Variants in SH3BP5 observed in about 807,000 individuals in gnomAD.
The protein encoded by SH3BP5 is SH3 domain binding protein 5.
SH3BP5 carries 22 observed loss-of-function variants against 43.3 expected under a neutral mutation model. That is an observed-to-expected ratio of 0.51 (90% CI 0.36 to 0.73). SH3BP5 has a LOEUF of 0.73. Ranked by LOEUF, SH3BP5 falls within the 30% of genes least tolerant of loss-of-function variation. The probability of loss-of-function intolerance (pLI) is 0.00; values close to 1 mark genes in which losing one functional copy is unlikely to be tolerated. For missense variants in SH3BP5, 529 were observed against 586.9 expected, an observed-to-expected ratio of 0.90 and a Z score of 1.02; for synonymous variants, 255 against 225.8, an observed-to-expected ratio of 1.13 and a Z score of -1.16.
chr3:15,262,485 C>T (rs1023335840), intron 4 of SH3BP5, among the ~76,000 whole-genome samples, 196 bp from the exon 5 acceptor site: 1 of 152,074 alleles, frequency 6.6e-6, no homozygotes, highest in African/African-American at 2.4e-5. Context: ...TGGTGAAACC[C>T]GTCACTGCTA....
At chr3:15,294,328 TGTGC>T (rs1398224142) in intron 3 of SH3BP5, among the ~76,000 whole-genome samples, 10 of 128,986 alleles carry the variant, frequency 7.8e-5, no homozygotes, top group African/African-American at 3.0e-4. Flanking sequence ...TGTGTGTGTG[TGTGC>T]GCGCGCATGT....
At chr3:15,300,896 A>G (rs60327453) in intron 3 of SH3BP5, among the ~76,000 whole-genome samples, 2,833 of 152,066 alleles carry the variant, frequency 0.019, 80 homozygotes, top group African/African-American at 0.063. Context: ...AGAGTGACTC[A>G]CTCATCCCCA....
Position 15,255,939 on chromosome 3 carries a change from C to A in SH3BP5, c.*147G>T. The A allele has an allele frequency of 1.4e-6, 1 of 728,314 alleles. No homozygotes were observed. The highest frequency in any genetic ancestry group is 2.3e-6 in the Non-Finnish European group (1 of 429,772). 45.1% of individuals were successfully genotyped at this position (728,314 alleles called of 1,614,324 possible). The stretch of plus-strand genomic sequence containing the variant: ...AAGAGCTCTTACCCAGAAGAACAAT[C>A]TTTAGCCCTCAAGGTCACTGAAACT... On this transcript the variant is annotated 3_prime_UTR_variant, in exon 9 of 9. Coordinates refer to ENST00000383791, the MANE Select transcript of SH3BP5 (RefSeq NM_004844.5).
rs781355308 is a variant in SH3BP5 at position 15,262,160 on chromosome 3, T to G, written c.625A>C (p.Lys209Gln). ...AGGGAAGGCCCTGTCCAGACTTACT[T>G]GGACTTGTTGATGGCTCTCTTGAGT... ...KKLKRAINKS[K>Q]PYFELKAKYY... Residue 209 changes from lysine to glutamine, a missense_variant and splice_region_variant, in exon 5 of 9, where the codon AAG becomes CAG. By Grantham distance (53) the Lys-to-Gln change is moderately conservative (BLOSUM62 1). Coordinates refer to ENST00000383791, the MANE Select transcript of SH3BP5 (RefSeq NM_004844.5). The G allele has an allele frequency of 6.2e-7, 1 of 1,613,954 alleles. No individual in the cohort carries two copies. The highest frequency in any genetic ancestry group is 1.3e-5 in the African/African-American group (1 of 74,888).
At chr3:15,339,214 G>T (rs1276181951) in intron 1 of SH3BP5, among the ~76,000 whole-genome samples, 2 of 152,142 alleles carry the variant, frequency 1.3e-5, no homozygotes, top group African/African-American at 2.4e-5. Flanking sequence ...TTGCCAAATT[G>T]TCTTCCAATG....
intron 1 of SH3BP5, chr3:15,332,013 G>T: frequency 2.0e-6 from 1 of 512,054 alleles, no homozygotes; most frequent in Non-Finnish European, 3.4e-6. Context: ...CACCAGGCAC[G>T]CTGCACCGAC....
intron 3 of SH3BP5, among the ~76,000 whole-genome samples, chr3:15,292,121 G>A (rs967504100): frequency 1.3e-5 from 2 of 152,160 alleles, no homozygotes; most frequent in African/African-American, 4.8e-5. Context: ...CTCTTGCCAG[G>A]GAATGCCTGT....
chr3:15,304,365 G>C (rs1400273401), intron 2 of SH3BP5, 134 bp from the exon 3 acceptor site: 1 of 1,362,144 alleles, frequency 7.3e-7, no homozygotes, highest in Non-Finnish European at 1.0e-6. Context: ...ACCTTTACAA[G>C]ACAGTGTCTA....
At chr3:15,336,113 G>A (rs910820985), upstream of SH3BP5, among the ~76,000 whole-genome samples, 3 of 152,186 alleles carry the variant, frequency 2.0e-5, no homozygotes, top group Admixed American at 1.3e-4. Context: ...CAGCGTGGGC[G>A]ATAAGAGTGA....
At chr3:15,262,130 G>A (rs1559425848) in intron 5 of SH3BP5, 29 bp downstream of exon 5, 1 of 1,612,742 alleles carries the variant, frequency 6.2e-7, no homozygotes, top group Middle Eastern at 1.7e-4. Context: ...CAGCCGCACG[G>A]CCCCAGGGAA....
rs969278497 is a variant in SH3BP5 at position 15,332,529 on chromosome 3, C to G, written c.-121G>C. 1 of 1,248,660 alleles carries G rather than the reference C, an allele frequency of 8.0e-7. No homozygotes were observed. 77.3% of individuals were successfully genotyped at this position (1,248,660 alleles called of 1,614,324 possible). ...GGCACGGTCGGGGAGCCGCCGGGGC[C>G]GACACCCGGGAGACGCAGCTCGCCG... On this transcript the variant is annotated 5_prime_UTR_variant, in exon 1 of 9. Transcript: ENST00000383791.
intron 4 of SH3BP5, among the ~76,000 whole-genome samples, chr3:15,267,637 G>A (rs1226461970): frequency 6.6e-6 from 1 of 152,150 alleles, no homozygotes; most frequent in Non-Finnish European, 1.5e-5. Context: ...AAGCCCTCAT[G>A]ACCTCAGGAG....
chr3:15,277,412 G>A (rs1697002655), intron 3 of SH3BP5, among the ~76,000 whole-genome samples: 1 of 152,194 alleles, frequency 6.6e-6, no homozygotes, highest in African/African-American at 2.4e-5. Flanking sequence ...GGATGGGCAG[G>A]GAGGTTTGGA....
At chr3:15,333,278 C>T (rs1309523788), upstream of SH3BP5, 2 of 985,288 alleles carry the variant, frequency 2.0e-6, no homozygotes, top group Non-Finnish European at 2.4e-6. Context: ...TGAAGAGGCA[C>T]GTGTGTGTGC....
chr3:15,330,722 AG>A, intron 1 of SH3BP5, 156 bp from the exon 2 acceptor site: 1 of 985,254 alleles, frequency 1.0e-6, no homozygotes, highest in Non-Finnish European at 1.2e-6. Flanking sequence ...AGGCTTGACT[AG>A]AAAAGCAAAT....
chr3:15,310,004 G>C (rs1249392027), intron 2 of SH3BP5, among the ~76,000 whole-genome samples: 1 of 150,134 alleles, frequency 6.7e-6, no homozygotes, highest in Admixed American at 6.7e-5. Context: ...AGGTATGAGA[G>C]GCCACAAACC....
rs1234250325 is a variant in SH3BP5, at chr3:15,256,242, G to A, written c.1212C>T (p.Leu404=). 1 of 1,614,200 alleles carries A rather than the reference G, an allele frequency of 6.2e-7. No homozygotes were observed. The highest frequency in any genetic ancestry group is 8.5e-7 in the Non-Finnish European group (1 of 1,180,042). Residue 404 remains leucine (L), a synonymous_variant, in exon 9 of 9, where the codon CTC becomes CTT. Transcript: ENST00000383791. ...TSDKANNNRG[L]SSSSGSGGSS... ...TGCCACCACTGCCACTGCTACTGCT[G>A]AGGCCCCGGTTGTTGTTGGCTTTGT...
chr3:15,329,727 C>A (rs115697483), intron 2 of SH3BP5, among the ~76,000 whole-genome samples: 1,538 of 152,338 alleles, frequency 0.01, 17 homozygotes, highest in African/African-American at 0.034. Flanking sequence ...CATTGGGAAA[C>A]TGCGCTGAGA....
chr3:15,314,492 G>GTACA (rs1698137913), intron 2 of SH3BP5, among the ~76,000 whole-genome samples: 1 of 152,156 alleles, frequency 6.6e-6, no homozygotes. Flanking sequence ...AGCACAAAGA[G>GTACA]TACACCAGGG....
Sources: gnomAD v4.1 joint callset for allele counts (sites outside exome capture counted in the v4.1 genomes callset) on GRCh38, gnomAD v4.1.1 for gene constraint, MANE v1.5 for transcripts, NCBI Gene and HGNC (gene_info 2026-07-23, HGNC 2026-07-21) for gene names.